EXOC4: variants seen among roughly 807,000 people sequenced by gnomAD.
The protein encoded by EXOC4 is exocyst complex component 4.
In EXOC4, 71 loss-of-function variants were observed where a neutral mutation model predicts 107.2. That is an observed-to-expected ratio of 0.66 (90% CI 0.55 to 0.81). The LOEUF is 0.81. Among genes scored for constraint, EXOC4 ranks in the 30% least tolerant of loss-of-function variants. The pLI is 0.00. For synonymous variants in EXOC4, 456 were observed against 441.2 expected (o/e 1.03, Z -0.42); for missense variants, 1,108 against 1,189.6 (o/e 0.93, Z 1.01).
At chr7:133,813,311 C>G (rs966486451) in intron 10 of EXOC4, among the ~76,000 whole-genome samples, 2 of 152,018 alleles carry the variant, frequency 1.3e-5, no homozygotes, top group African/African-American at 4.8e-5. Flanking sequence ...AGCAGATTGA[C>G]TAGTAAAAGT....
intron 1 of EXOC4, among the ~76,000 whole-genome samples, chr7:133,258,146 A>G (rs1000756086): frequency 6.6e-6 from 1 of 152,140 alleles, no homozygotes; most frequent in African/African-American, 2.4e-5. Context: ...GAAAATTACT[A>G]CTAGAATACC....
intron 9 of EXOC4, among the ~76,000 whole-genome samples, chr7:133,529,509 G>A (rs564549655): frequency 6.6e-6 from 1 of 152,264 alleles, no homozygotes; most frequent in African/African-American, 2.4e-5. Flanking sequence ...CAATAAATCT[G>A]TGAGACATAA....
intron 9 of EXOC4, among the ~76,000 whole-genome samples, chr7:133,523,777 A>AT (rs1276857491): frequency 1.3e-5 from 2 of 152,160 alleles, no homozygotes; most frequent in South Asian, 2.1e-4. Context: ...TGAACTCATC[A>AT]TTTTTTTATG....
chr7:133,836,609 C>T (rs926579807), intron 11 of EXOC4, among the ~76,000 whole-genome samples: 1 of 152,162 alleles, frequency 6.6e-6, no homozygotes, highest in Non-Finnish European at 1.5e-5. Context: ...AGGCAGAACA[C>T]GTTTCACTCC....
intron 10 of EXOC4, among the ~76,000 whole-genome samples, chr7:133,630,389 T>G (rs894427731): frequency 1.3e-5 from 2 of 152,126 alleles, no homozygotes; most frequent in African/African-American, 4.8e-5. Context: ...CCTCTGTCCC[T>G]CTCCTGCCCT....
intron 5 of EXOC4, among the ~76,000 whole-genome samples, chr7:133,325,565 T>G (rs972486403): frequency 6.6e-6 from 1 of 152,240 alleles, no homozygotes; most frequent in African/African-American, 2.4e-5. Context: ...TTGTAGAGTT[T>G]CTGCCGAGAG....
chr7:133,363,567 A>C (rs1242711033), intron 6 of EXOC4, among the ~76,000 whole-genome samples: 3 of 151,472 alleles, frequency 2.0e-5, no homozygotes, highest in Non-Finnish European at 4.4e-5. Context: ...GATGTTACTC[A>C]ATATTACATT....
chr7:133,407,843 A>C (rs750055226), intron 7 of EXOC4, among the ~76,000 whole-genome samples: 2 of 152,202 alleles, frequency 1.3e-5, no homozygotes, highest in Non-Finnish European at 2.9e-5. Context: ...CTAGATGCAC[A>C]CCTGGTGACA....
chr7:133,540,712 A>G (rs565179512), intron 9 of EXOC4, among the ~76,000 whole-genome samples: 63 of 152,236 alleles, frequency 4.1e-4, no homozygotes, highest in Admixed American at 1.1e-3. Context: ...GCAGTTATCA[A>G]TTTGCATGTT....
chr7:133,723,037 A>G (rs1004302371), intron 10 of EXOC4, among the ~76,000 whole-genome samples: 5 of 152,232 alleles, frequency 3.3e-5, no homozygotes, highest in African/African-American at 1.2e-4. Flanking sequence ...TTACTTATCC[A>G]TTTACATTAG....
chr7:133,488,378 A>G (rs1345688212), intron 9 of EXOC4, among the ~76,000 whole-genome samples: 1 of 152,096 alleles, frequency 6.6e-6, no homozygotes, highest in Non-Finnish European at 1.5e-5. Flanking sequence ...AAAAGTGGAG[A>G]TAGTTTAACA....
rs1181613330 is a variant in EXOC4, at chr7:134,064,525, T to C, written c.2922T>C (p.Val974=). The C allele has an allele frequency of 1.9e-6, 3 of 1,588,498 alleles. No homozygotes were observed. In the South Asian group the frequency reaches 3.4e-5, roughly 18 times the overall value. ...QATKDKKITT[V] is the part of the protein sequence containing the mutation. ...CCAAGGACAAGAAGATAACTACCGTTTAGCAGGGCGTACTGCGGTTGGTGA... is the reference window on the plus strand; with the variant it reads ...CCAAGGACAAGAAGATAACTACCGTCTAGCAGGGCGTACTGCGGTTGGTGA... Residue 974 remains valine, a synonymous_variant, in exon 18 of 18, where the codon GTT becomes GTC. Coordinates refer to ENST00000253861, the MANE Select transcript of EXOC4 (RefSeq NM_021807.4).
chr7:133,767,289 G>C (rs1178896837), intron 10 of EXOC4, among the ~76,000 whole-genome samples: 2 of 151,924 alleles, frequency 1.3e-5, no homozygotes, highest in African/African-American at 4.8e-5. Flanking sequence ...CTTCAGGTAA[G>C]TTGCTAATTT....
chr7:133,516,772 T>TTTTTTTTTTTTTTTTTTTTTTTC (rs71188898), intron 9 of EXOC4, among the ~76,000 whole-genome samples: 3 of 146,214 alleles, frequency 2.1e-5, no homozygotes, highest in Non-Finnish European at 4.5e-5. Flanking sequence ...TTTTTTTTTT[T>TTTTTTTTTTTTTTTTTTTTTTTC]ACAGAATTTA....
At chr7:133,868,087 T>C (rs997871984) in intron 11 of EXOC4, among the ~76,000 whole-genome samples, 3 of 152,234 alleles carry the variant, frequency 2.0e-5, no homozygotes, top group African/African-American at 7.2e-5. Flanking sequence ...TGGAGTTTGG[T>C]TCAAAGAGAT....
rs1231066566 is a variant in EXOC4, at chr7:134,065,512, C to T, written c.*984C>T. The T allele has an allele frequency of 6.6e-6, 1 of 152,316 alleles. No homozygotes were observed. Among genetic ancestry groups the T allele is most frequent in the Non-Finnish European group, 1.5e-5 (1 of 68,196 alleles). The allele number at this position is 152,316 out of a possible 1,614,324, so 9.4% of individuals were successfully genotyped here. A position where few individuals can be genotyped will look rare whatever the true frequency, so the allele number is the denominator to read the frequency against. On this transcript the variant is annotated 3_prime_UTR_variant, in exon 18 of 18. Transcript: ENST00000253861. ...GTGGGCACTTACCATGTTCCTGGCA[C>T]ACTGGACCTCACCATGTCCCCCGGT...
intron 9 of EXOC4, among the ~76,000 whole-genome samples, chr7:133,499,122 A>T (rs1799531414): frequency 2.0e-5 from 3 of 151,974 alleles, no homozygotes; most frequent in Admixed American, 1.3e-4. Context: ...AAAAAAAAAA[A>T]AAAAATTACC....
In EXOC4 at chr7:134,064,642, A is replaced by G; in HGVS notation, c.*114A>G. ...TTTCTCTACAGTGATACTTTAGTGG[A>G]GAGGAGGTGTAAGGATTCTTTCTCT... is the stretch of plus-strand genomic sequence containing the variant. On this transcript the variant is annotated 3_prime_UTR_variant, in exon 18 of 18. Coordinates refer to ENST00000253861, the MANE Select transcript of EXOC4 (RefSeq NM_021807.4). The G allele has an allele frequency of 1.5e-6, 1 of 684,600 alleles. No homozygotes were observed. The highest frequency in any genetic ancestry group is 2.3e-6 in the Non-Finnish European group (1 of 425,836). The allele number at this position is 684,600 out of a possible 1,614,324, so 42.4% of individuals were successfully genotyped here.
At chr7:134,073,819 C>G in the EXOC4 span, among the ~76,000 whole-genome samples, 1 of 152,158 alleles carries the variant, frequency 6.6e-6, no homozygotes, top group East Asian at 1.9e-4. Context: ...CACCAACACC[C>G]TGCTGCTGAA....
Sources: gnomAD v4.1 joint callset for allele counts (sites outside exome capture counted in the v4.1 genomes callset) on GRCh38, gnomAD v4.1.1 for gene constraint, MANE v1.5 for transcripts, NCBI Gene and HGNC (gene_info 2026-07-23, HGNC 2026-07-21) for gene names.